CDH18: variants seen among roughly 807,000 people sequenced by gnomAD.
CDH18 encodes cadherin-18.
A neutral mutation model predicts 67.9 loss-of-function variants in CDH18; 31 were observed. The ratio of observed to expected loss-of-function variants is 0.46; its 90% CI spans 0.34 to 0.62. The LOEUF is 0.62. Among genes scored for constraint, CDH18 ranks in the 20% least tolerant of loss-of-function variants. The pLI, the probability that CDH18 is intolerant of heterozygous loss-of-function variation, is 0.01. For missense variants in CDH18, 890 were observed against 975.5 expected, an observed-to-expected ratio of 0.91 and a Z score of 1.17; for synonymous variants, 362 against 347.2, an observed-to-expected ratio of 1.04 and a Z score of -0.48.
intron 2 of CDH18, among the ~76,000 whole-genome samples, chr5:20,025,013 G>A (rs895154236): frequency 2.6e-5 from 4 of 152,088 alleles, no homozygotes; most frequent in African/African-American, 9.7e-5. Flanking sequence ...GAATCCAAAG[G>A]AATCACCTTT....
intron 9 of CDH18, among the ~76,000 whole-genome samples, chr5:19,532,723 T>C (rs1018208158): frequency 1.3e-5 from 2 of 152,154 alleles, no homozygotes; most frequent in African/African-American, 4.8e-5. Flanking sequence ...GGGGTGAAAG[T>C]TGTTCGAACT....
chr5:19,596,648 G>C (rs1392026441), intron 6 of CDH18, among the ~76,000 whole-genome samples: 1 of 152,134 alleles, frequency 6.6e-6, no homozygotes, highest in Non-Finnish European at 1.5e-5. Context: ...CTGTTCAAAT[G>C]GGTCACAAAA....
chr5:20,405,910 G>A (rs540002853), intron 1 of CDH18, among the ~76,000 whole-genome samples: 1,621 of 152,172 alleles, frequency 0.011, 32 homozygotes, highest in African/African-American at 0.037. Flanking sequence ...TTAGAATGGC[G>A]ATCATTAAAA....
chr5:20,153,372 C>A (rs940819777), intron 2 of CDH18, among the ~76,000 whole-genome samples: 1 of 152,118 alleles, frequency 6.6e-6, no homozygotes, highest in Non-Finnish European at 1.5e-5. Flanking sequence ...GTATTCTCTA[C>A]CTTTTCCAAT....
chr5:19,991,203 T>A (rs993605231), upstream of CDH18, among the ~76,000 whole-genome samples: 2 of 152,182 alleles, frequency 1.3e-5, no homozygotes, highest in African/African-American at 4.8e-5. Context: ...TATGTGATGT[T>A]TCCAAACCTG....
chr5:20,422,679 A>G (rs1418966327), intron 1 of CDH18, among the ~76,000 whole-genome samples: 1 of 151,202 alleles, frequency 6.6e-6, no homozygotes, highest in Non-Finnish European at 1.5e-5. Flanking sequence ...CTAAAGTTTA[A>G]TGATAATATG....
intron 5 of CDH18, among the ~76,000 whole-genome samples, chr5:19,639,078 C>T (rs1753663070): frequency 6.8e-6 from 1 of 147,210 alleles, no homozygotes; most frequent in African/African-American, 2.5e-5. Context: ...TCTCGGCTCA[C>T]TGCAAGCTCC....
intron 5 of CDH18, among the ~76,000 whole-genome samples, chr5:19,719,895 T>A: frequency 1.2e-4 from 11 of 92,134 alleles, no homozygotes; most frequent in South Asian, 6.4e-4. Flanking sequence ...AAAGAAAGAG[T>A]TAAGCAAGAG....
chr5:20,130,399 T>C (rs560027088), intron 2 of CDH18, among the ~76,000 whole-genome samples: 1 of 47,760 alleles, frequency 2.1e-5, no homozygotes, highest in Admixed American at 3.1e-4. Context: ...CTCTCTTCCT[T>C]AGTTTTTTTT....
At chr5:19,654,590 C>T (rs115334389) in intron 5 of CDH18, among the ~76,000 whole-genome samples, 2,074 of 152,164 alleles carry the variant, frequency 0.014, 56 homozygotes, top group African/African-American at 0.047. Flanking sequence ...GGGGTGGTGC[C>T]TACGACTCCT....
At chr5:19,779,837 T>C (rs1421437762) in intron 3 of CDH18, among the ~76,000 whole-genome samples, 2 of 152,126 alleles carry the variant, frequency 1.3e-5, no homozygotes, top group African/African-American at 4.8e-5. Context: ...CAGGGTCAAA[T>C]AGCCAATAAC....
chr5:19,685,652 G>C (rs577682173), intron 5 of CDH18, among the ~76,000 whole-genome samples: 6 of 152,142 alleles, frequency 3.9e-5, no homozygotes, highest in Non-Finnish European at 5.9e-5. Flanking sequence ...GCCCTGGTTG[G>C]ATCCAGTTTT....
rs555884380 is a variant in CDH18, at chr5:20,498,068, C to G, written c.-580+77394G>C. Among the ~76,000 whole-genome samples, 8 of 152,250 alleles carry G rather than the reference C, an allele frequency of 5.3e-5. No individual in the cohort carries two copies. The East Asian group carries it at 1.5e-3, about 29-fold the overall frequency. On this transcript the variant is annotated intron_variant, in intron 1 of 14. Transcript: ENST00000507958. ...AGATCAAATCTGCCAGTAACCAGAT[C>G]TTGGACTTTCCATCCTCCAGAAATG...
At chr5:19,859,179 C>T (rs1047528101) in intron 2 of CDH18, among the ~76,000 whole-genome samples, 1 of 152,108 alleles carries the variant, frequency 6.6e-6, no homozygotes, top group African/African-American at 2.4e-5. Context: ...ACCTGAAAAA[C>T]TAGTTCAGGC....
intron 1 of CDH18, among the ~76,000 whole-genome samples, chr5:20,541,771 G>T (rs1002437499): frequency 5.9e-5 from 9 of 152,146 alleles, no homozygotes; most frequent in African/African-American, 2.2e-4. Flanking sequence ...GCATTATAAA[G>T]AAATCAGCAG....
At chr5:19,547,028 G>C (rs536985688) in intron 8 of CDH18, among the ~76,000 whole-genome samples, 3 of 152,230 alleles carry the variant, frequency 2.0e-5, no homozygotes, top group Non-Finnish European at 4.4e-5. Context: ...AGAATAGTGG[G>C]AAATCTGTAT....
chr5:20,120,763 A>G (rs1220773238), intron 2 of CDH18, among the ~76,000 whole-genome samples: 1 of 152,158 alleles, frequency 6.6e-6, no homozygotes, highest in African/African-American at 2.4e-5. Flanking sequence ...GCTGTAGCCA[A>G]TTATAATCCA....
chr5:20,075,177 T>C (rs1428882178), intron 2 of CDH18, among the ~76,000 whole-genome samples: 1 of 152,060 alleles, frequency 6.6e-6, no homozygotes, highest in African/African-American at 2.4e-5. Context: ...ACTCTTTGGG[T>C]CCTTGGACAT....
chr5:20,206,612 T>C (rs1739912041), intron 2 of CDH18, among the ~76,000 whole-genome samples: 1 of 151,864 alleles, frequency 6.6e-6, no homozygotes. Flanking sequence ...TTACAAACCA[T>C]TAAAATATCA....
Sources: allele counts gnomAD v4.1 joint callset (sites outside exome capture counted in the v4.1 genomes callset), GRCh38; gene constraint gnomAD v4.1.1; transcripts MANE v1.5; gene names NCBI Gene and HGNC (gene_info 2026-07-23, HGNC 2026-07-21).